POTEJ: variants seen among roughly 807,000 people sequenced by gnomAD.
POTEJ encodes the protein POTE ankyrin domain family member J, also known as POTE ankyrin domain family, member J.
In POTEJ, 11 loss-of-function variants were observed where a neutral mutation model predicts 69.0. That is an observed-to-expected ratio of 0.16 (90% confidence interval 0.10 to 0.26). POTEJ has a LOEUF of 0.26. POTEJ is among the 10% of genes least tolerant of loss of function. The pLI is 1.00. For missense variants in POTEJ, 327 were observed against 1,045.5 expected (o/e 0.31, Z 9.48); for synonymous variants, 117 against 381.1 (o/e 0.31, Z 8.07).
intron 13 of POTEJ, among the ~76,000 whole-genome samples, chr2:130,649,948 C>G (rs1686745543): frequency 6.6e-6 from 1 of 152,158 alleles, no homozygotes; most frequent in South Asian, 2.1e-4. Context: ...GGAATAACCA[C>G]TTCCTGAGGG....
intron 13 of POTEJ, among the ~76,000 whole-genome samples, chr2:130,652,007 T>C (rs1453702687): frequency 2.9e-5 from 4 of 136,394 alleles, no homozygotes; most frequent in Non-Finnish European, 6.1e-5. Context: ...TGTGTTTCTA[T>C]GCAAATCTCA....
Position 130,636,445 on chromosome 2 carries a change from G to A in POTEJ, c.1299-2174G>A, listed in dbSNP as rs566416091. Reference sequence around the variant, plus strand: ...TAACCTTATGTCATCGTTTCTTAGAGTCTTTGATATACAAATAAAAGGTTT... The same window carrying A: ...TAACCTTATGTCATCGTTTCTTAGAATCTTTGATATACAAATAAAAGGTTT... On this transcript the variant is annotated intron_variant, in intron 9 of 14. Transcript: ENST00000409602. Among the ~76,000 whole-genome samples, 13 of 143,972 alleles carry A rather than the reference G, an allele frequency of 9.0e-5. No individual in the cohort carries two copies. In the South Asian group the frequency reaches 2.8e-3, roughly 31 times the overall value. The allele number at this position is 143,972 out of a possible 152,430, so 94.5% of individuals were successfully genotyped here.
chr2:130,643,055 A>G (rs1686450230), intron 10 of POTEJ, among the ~76,000 whole-genome samples: 1 of 148,554 alleles, frequency 6.7e-6, no homozygotes, highest in African/African-American at 2.5e-5. Flanking sequence ...ATGATGTGCA[A>G]GACTCTCCCC....
intron 13 of POTEJ, among the ~76,000 whole-genome samples, chr2:130,653,952 C>A (rs1405562591): frequency 1.5e-3 from 2 of 1,308 alleles, no homozygotes; most frequent in African/African-American, 3.7e-3. Context: ...AGGATAATAT[C>A]ATTGGTGAAG....
At chr2:130,622,877 T>C (rs1431317098) in intron 5 of POTEJ, 1 of 149,028 alleles carries the variant, frequency 6.7e-6, no homozygotes, top group Non-Finnish European at 1.5e-5. Context: ...ATTGGAACAA[T>C]ACGGGGAAAG....
rs1266014001 is a variant in POTEJ at position 130,652,119 on chromosome 2, T to C, written c.1668-2802T>C. On this transcript the variant is annotated intron_variant, in intron 13 of 14. Transcript: ENST00000409602. ...GCTGTTCTTGTGATAGTGAGTGAGTTCTCACAAGAGCTGACGGTTTCATAA... is the reference window on the plus strand; with the variant it reads ...GCTGTTCTTGTGATAGTGAGTGAGTCCTCACAAGAGCTGACGGTTTCATAA... Among the ~76,000 whole-genome samples the C allele has an allele frequency of 9.3e-4, 125 of 133,956 alleles. 1 individual carries two copies. The highest frequency in any genetic ancestry group is 3.6e-3 in the African/African-American group (110 of 30,330). The allele number at this position is 133,956 out of a possible 152,430, so 87.9% of individuals were successfully genotyped here.
At chr2:130,623,778 A>G (rs1465431086) in intron 5 of POTEJ, among the ~76,000 whole-genome samples, 3 of 138,066 alleles carry the variant, frequency 2.2e-5, no homozygotes. Context: ...TTATGGAGCT[A>G]GGACTTATGC....
chr2:130,655,316 A>G (rs1251912521), intron 14 of POTEJ, among the ~76,000 whole-genome samples: 6 of 152,316 alleles, frequency 3.9e-5, no homozygotes, highest in East Asian at 1.9e-4. Context: ...TTTCCACATC[A>G]GAAATAAGTT....
chr2:130,652,037 G>A lies in POTEJ; in HGVS notation c.1668-2884G>A, dbSNP rs545844800. The stretch of plus-strand genomic sequence containing the variant: ...ATCTCATGTCAAATTGTAATTCCCA[G>A]GTGTTGAGGAAAGACCAGCTGGGAG... On this transcript the variant is annotated intron_variant, in intron 13 of 14. Coordinates refer to ENST00000409602, the MANE Select transcript of POTEJ (RefSeq NM_001277083.2). Among the ~76,000 whole-genome samples, 4 of 138,262 alleles carry A rather than the reference G, an allele frequency of 2.9e-5. No individual in the cohort carries two copies. The South Asian group carries it at 8.8e-4, about 30-fold the overall frequency. 90.7% of individuals were successfully genotyped at this position (138,262 alleles called of 152,430 possible). A position where few individuals can be genotyped will look rare whatever the true frequency, so the allele number is the denominator to read the frequency against.
chr2:130,648,556 C>T (rs1424793727), intron 13 of POTEJ, among the ~76,000 whole-genome samples: 2 of 137,064 alleles, frequency 1.5e-5, no homozygotes, highest in East Asian at 3.9e-4. Flanking sequence ...TAAATCTAGG[C>T]ATTTTTCTTA....
intron 9 of POTEJ, among the ~76,000 whole-genome samples, chr2:130,637,914 C>T (rs1686171091): frequency 2.7e-5 from 4 of 145,556 alleles, no homozygotes; most frequent in South Asian, 2.1e-4. Context: ...TCATCAACTC[C>T]GTAATAGTGG....
rs879596454 is a variant in POTEJ at position 130,652,915 on chromosome 2, G to A, written c.1668-2006G>A. Among the ~76,000 whole-genome samples, 620 of 139,100 alleles carry A rather than the reference G, an allele frequency of 4.5e-3. 20 individuals are homozygous for A. Among genetic ancestry groups the A allele is most frequent in the Admixed American group, 0.012 (165 of 13,762 alleles). 91.3% of individuals were successfully genotyped at this position (139,100 alleles called of 152,430 possible). On this transcript the variant is annotated intron_variant, in intron 13 of 14. Coordinates refer to ENST00000409602, the MANE Select transcript of POTEJ (RefSeq NM_001277083.2). Reference sequence around the variant, plus strand: ...GCCACTTTCCAATGGAATTATTTGCGTTTTTCCTGTTGATTTGTTTGAGTT... The same window carrying A: ...GCCACTTTCCAATGGAATTATTTGCATTTTTCCTGTTGATTTGTTTGAGTT...
At chr2:130,630,606 G>A (rs1036877904) in intron 7 of POTEJ, among the ~76,000 whole-genome samples, 17 of 141,444 alleles carry the variant, frequency 1.2e-4, no homozygotes, top group Non-Finnish European at 2.3e-4. Flanking sequence ...TGACCTCAGC[G>A]TTTCTGTTCA....
At chr2:130,618,593 A>G (rs1253894557) in intron 3 of POTEJ, among the ~76,000 whole-genome samples, 1 of 147,110 alleles carries the variant, frequency 6.8e-6, no homozygotes, top group Non-Finnish European at 1.5e-5. Flanking sequence ...AACAACAACA[A>G]CAACGACGAC....
At chr2:130,646,607 G>C (rs1249700930) in intron 13 of POTEJ, among the ~76,000 whole-genome samples, 2 of 145,948 alleles carry the variant, frequency 1.4e-5, no homozygotes, top group East Asian at 3.9e-4. Flanking sequence ...TAGGTAAACT[G>C]TATCATGGAG....
chr2:130,614,111 C>T (rs1455704713), intron 1 of POTEJ, among the ~76,000 whole-genome samples: 14 of 121,004 alleles, frequency 1.2e-4, no homozygotes, highest in Non-Finnish European at 2.1e-4. Context: ...GAGCCGAGAT[C>T]GCGCCACTAC....
At position 130,620,678 on chromosome 2, in the gene POTEJ, C is replaced by CT. The variant is rs1195148324; in HGVS notation, c.806+533dup. ...TTCCCACATACTGTGGGTTCAACAG[C>CT]TTTTTTCCTTTTTTATTTCCAGTGT... On this transcript the variant is annotated intron_variant, in intron 4 of 14. Coordinates refer to ENST00000409602, the MANE Select transcript of POTEJ (RefSeq NM_001277083.2). 2.2e-5 allele frequency among the ~76,000 whole-genome samples: 2 copies of CT among 91,004 alleles called. 1 individual carries two copies. Among genetic ancestry groups the CT allele is most frequent in the Non-Finnish European group, 3.8e-5 (2 of 52,888 alleles). 59.7% of individuals were successfully genotyped at this position (91,004 alleles called of 152,430 possible).
chr2:130,627,216 G>C (rs1387084313), intron 6 of POTEJ, among the ~76,000 whole-genome samples: 2 of 151,372 alleles, frequency 1.3e-5, no homozygotes, highest in East Asian at 1.9e-4. Context: ...AGGATATTTT[G>C]AGTAGGTAAT....
intron 13 of POTEJ, among the ~76,000 whole-genome samples, chr2:130,649,518 G>C (rs1686724142): frequency 6.6e-6 from 1 of 151,442 alleles, no homozygotes; most frequent in African/African-American, 2.5e-5. Flanking sequence ...GATAGTCCTG[G>C]TTTTTAAAAG....
Sources: gnomAD v4.1 joint callset for allele counts (sites outside exome capture counted in the v4.1 genomes callset) on GRCh38, gnomAD v4.1.1 for gene constraint, MANE v1.5 for transcripts, NCBI Gene and HGNC (gene_info 2026-07-23, HGNC 2026-07-21) for gene names.